Variants in CELSR1 observed in about 807,000 individuals in gnomAD.
The protein encoded by CELSR1 is cadherin EGF LAG seven-pass G-type receptor 1.
Under a neutral mutation model 249.1 loss-of-function variants are expected in CELSR1, and 110 were observed. The ratio of observed to expected loss-of-function variants is 0.44; its 90% CI spans 0.38 to 0.52. CELSR1 has a LOEUF of 0.52. Among genes scored for constraint, CELSR1 ranks in the 20% least tolerant of loss-of-function variants. CELSR1 has a pLI of 0.00. For synonymous variants in CELSR1, 2,113 were observed against 1,900.0 expected, an observed-to-expected ratio of 1.11 and a Z score of -2.92; for missense variants, 4,109 against 4,296.4, an observed-to-expected ratio of 0.96 and a Z score of 1.22.
intron 5 of CELSR1, among the ~76,000 whole-genome samples, chr22:46,418,580 C>T (rs892912495): frequency 3.3e-5 from 5 of 152,216 alleles, no homozygotes; most frequent in Non-Finnish European, 7.3e-5. Context: ...GTAAGCAACT[C>T]GTGCAATTAG....
At chr22:46,443,015 G>A (rs2079771412) in intron 2 of CELSR1, among the ~76,000 whole-genome samples, 1 of 152,060 alleles carries the variant, frequency 6.6e-6, no homozygotes, top group African/African-American at 2.4e-5. Flanking sequence ...GGAGAATGGC[G>A]TGAACGCGGG....
intron 14 of CELSR1, 48 bp downstream of exon 14, chr22:46,394,092 ATG>A: frequency 1.3e-6 from 2 of 1,592,730 alleles, no homozygotes; most frequent in East Asian, 2.2e-5. Flanking sequence ...GCAGCTGTGC[ATG>A]TGTGTGAGCA....
At position 46,454,416 on chromosome 22, in the gene CELSR1, A is replaced by C. The variant is rs2079922539; in HGVS notation, c.4183+9291T>G. ...CCCACACTCTCTCTGCAGAAGCAGC[A>C]TCCCTCCAGTGCACGCACAGACGCC... On this transcript the variant is annotated intron_variant, in intron 2 of 34. Coordinates refer to ENST00000674500, the MANE Select transcript of CELSR1 (RefSeq NM_001378328.1). The surrounding 1 kb of genome is among the most constrained non-coding windows in gnomAD (Gnocchi z 5.1). 6.6e-6 allele frequency among the ~76,000 whole-genome samples: 1 copy of C among 152,200 alleles called. No homozygotes were observed. The highest frequency in any genetic ancestry group is 1.5e-5 in the Non-Finnish European group (1 of 68,024).
At chr22:46,369,144 G>T in intron 27 of CELSR1, 35 bp downstream of exon 27, 5 of 1,602,044 alleles carry the variant, frequency 3.1e-6, no homozygotes, top group Non-Finnish European at 3.4e-6. Context: ...GGGCCCAGCC[G>T]ACATGGCTGG....
chr22:46,387,622 G>C (rs1028666080), intron 18 of CELSR1, among the ~76,000 whole-genome samples: 1 of 152,132 alleles, frequency 6.6e-6, no homozygotes, highest in Admixed American at 6.5e-5. Flanking sequence ...GCCTCCCAAA[G>C]TGCTGGGATT....
chr22:46,525,934 C>T (rs2080734339), intron 1 of CELSR1, among the ~76,000 whole-genome samples: 1 of 152,272 alleles, frequency 6.6e-6, no homozygotes, highest in South Asian at 2.1e-4. Flanking sequence ...CCAGCACCGC[C>T]CCTCCTGCCG....
At chr22:46,379,001 G>T (rs138722937) in intron 22 of CELSR1, among the ~76,000 whole-genome samples, 15 of 152,334 alleles carry the variant, frequency 9.8e-5, no homozygotes, top group Non-Finnish European at 2.1e-4. Flanking sequence ...TTCTGTGTCT[G>T]GTCAGGGCCT....
intron 5 of CELSR1, among the ~76,000 whole-genome samples, chr22:46,415,629 A>T (rs146582021): frequency 0.022 from 3,337 of 151,298 alleles, 117 homozygotes; most frequent in Middle Eastern, 0.071. Context: ...AAAAAATTAA[A>T]AAAAAAAAAA....
chr22:46,430,121 T>C lies in CELSR1; in HGVS notation c.4611+3272A>G, dbSNP rs921858835. Among the ~76,000 whole-genome samples, 2 of 152,118 alleles carry C rather than the reference T, an allele frequency of 1.3e-5. No individual in the cohort carries two copies. The highest frequency in any genetic ancestry group is 2.9e-5 in the Non-Finnish European group (2 of 67,998). ...CTGACAGGCAACACCCGGGAGATCA[T>C]GCTCAGATCTAAAATGCAGGTGGCC... On this transcript the variant is annotated intron_variant, in intron 5 of 34. Transcript: ENST00000674500. This position sits in a 1 kb window ranked among gnomAD's most constrained non-coding sequence, Gnocchi z 4.6.
intron 19 of CELSR1, among the ~76,000 whole-genome samples, chr22:46,385,884 A>C (rs1055134267): frequency 6.6e-6 from 1 of 150,770 alleles, no homozygotes; most frequent in Non-Finnish European, 1.5e-5. Flanking sequence ...TCACCATGTT[A>C]GCCAGGATGG....
At chr22:46,422,612 T>G (rs1442094079) in intron 5 of CELSR1, among the ~76,000 whole-genome samples, 1 of 149,626 alleles carries the variant, frequency 6.7e-6, no homozygotes, top group South Asian at 2.1e-4. Context: ...AATAAATAAA[T>G]AAAAATTAGC....
chr22:46,471,810 C>T lies in CELSR1; in HGVS notation c.3545-7465G>A, dbSNP rs1358961777. Among the ~76,000 whole-genome samples, 2 of 152,230 alleles carry T rather than the reference C, an allele frequency of 1.3e-5. No individual in the cohort carries two copies. The highest frequency in any genetic ancestry group is 6.5e-5 in the Admixed American group (1 of 15,276). Reference sequence around the variant, plus strand: ...TGTCCTCTCCTGTCCCAGGACCCCACACCACACTCAGCTCCCCTGCACCGT... The same window carrying T: ...TGTCCTCTCCTGTCCCAGGACCCCATACCACACTCAGCTCCCCTGCACCGT... On this transcript the variant is annotated intron_variant, in intron 1 of 34. Transcript: ENST00000674500. This position sits in a 1 kb window ranked among gnomAD's most constrained non-coding sequence, Gnocchi z 4.9.
chr22:46,366,487 G>C lies in CELSR1; in HGVS notation c.8206-7C>G. On this transcript the variant is annotated splice_polypyrimidine_tract_variant and splice_region_variant and intron_variant, in intron 29 of 34. Transcript: ENST00000674500. Reference sequence around the variant, plus strand: ...TGTTGCAGTTGAGGGAGCGCTGAAGGGAGGGGAGGGGCTGGTCACTGCCAA... The same window carrying C: ...TGTTGCAGTTGAGGGAGCGCTGAAGCGAGGGGAGGGGCTGGTCACTGCCAA... 1 of 1,548,328 alleles carries C rather than the reference G, an allele frequency of 6.5e-7. No homozygotes were observed. Among genetic ancestry groups the C allele is most frequent in the Non-Finnish European group, 8.7e-7 (1 of 1,144,978 alleles).
chr22:46,416,478 C>T (rs942717906), intron 5 of CELSR1, among the ~76,000 whole-genome samples: 12 of 152,332 alleles, frequency 7.9e-5, no homozygotes, highest in African/African-American at 2.9e-4. Flanking sequence ...TCACTCAGGC[C>T]GAGCAAGGCA....
At chr22:46,461,937 G>A (rs547537545) in intron 2 of CELSR1, among the ~76,000 whole-genome samples, 1 of 152,202 alleles carries the variant, frequency 6.6e-6, no homozygotes, top group Non-Finnish European at 1.5e-5. Context: ...ACTCAAGGCC[G>A]TGAGGGGCAA....
intron 1 of CELSR1, among the ~76,000 whole-genome samples, chr22:46,519,092 G>C (rs755659310): frequency 6.6e-6 from 1 of 151,822 alleles, no homozygotes; most frequent in Admixed American, 6.6e-5. Context: ...CGCTGTGCAC[G>C]ACCCGGAAAA....
In CELSR1 at chr22:46,415,369, C is replaced by T. The variant is rs184001282; in HGVS notation, c.4612-3610G>A. Among the ~76,000 whole-genome samples, 265 of 152,130 alleles carry T rather than the reference C, an allele frequency of 1.7e-3. 1 individual carries two copies. Among genetic ancestry groups the T allele is most frequent in the African/African-American group, 6.0e-3 (247 of 41,498 alleles). On this transcript the variant is annotated intron_variant, in intron 5 of 34. Coordinates refer to ENST00000674500, the MANE Select transcript of CELSR1 (RefSeq NM_001378328.1). ...TTCACCATGATGGCCAGGCTGGTCT[C>T]GAACTCCTGACCTCAAGTGATCCAC...
intron 2 of CELSR1, among the ~76,000 whole-genome samples, chr22:46,439,846 C>T (rs1305443866): frequency 2.0e-5 from 3 of 152,166 alleles, no homozygotes; most frequent in Non-Finnish European, 2.9e-5. Context: ...AGCAGAGCCT[C>T]GTCAGAGATT....
chr22:46,405,719 G>C (rs78850916), intron 9 of CELSR1, among the ~76,000 whole-genome samples: 5,896 of 152,168 alleles, frequency 0.039, 396 homozygotes, highest in African/African-American at 0.13. Context: ...TATCCAAATT[G>C]CTTGGGCTGT....
Sources: allele counts gnomAD v4.1 joint callset (sites outside exome capture counted in the v4.1 genomes callset), GRCh38; gene constraint gnomAD v4.1.1; non-coding constraint Gnocchi (gnomAD v3.1); transcripts MANE v1.5; gene names NCBI Gene and HGNC (gene_info 2026-07-23, HGNC 2026-07-21).